The following AK5 variants were observed in gnomAD, a reference collection of about 807,000 sequenced individuals.
AK5 encodes the protein adenylate kinase 5.
In AK5, 27 loss-of-function variants were observed where a neutral mutation model predicts 69.5. The ratio of observed to expected loss-of-function variants is 0.39; its 90% CI spans 0.29 to 0.54. The LOEUF (loss-of-function observed/expected upper bound fraction) is 0.54, where lower values mean the gene tolerates loss of function less well. Ranked by LOEUF, AK5 falls within the 20% of genes least tolerant of loss-of-function variation. The pLI, the probability that AK5 is intolerant of heterozygous loss-of-function variation, is 0.71. For synonymous variants in AK5, 260 were observed against 244.4 expected (o/e 1.06, Z -0.60); for missense variants, 531 against 700.4 (o/e 0.76, Z 2.73).
intron 13 of AK5, among the ~76,000 whole-genome samples, chr1:77,553,405 G>A (rs930786063): frequency 6.6e-5 from 10 of 152,322 alleles, no homozygotes; most frequent in East Asian, 1.9e-4. Context: ...AGCAGAGGGC[G>A]TAACTGAGGC....
chr1:77,292,695 G>A (rs981492338), intron 2 of AK5, among the ~76,000 whole-genome samples: 6 of 152,184 alleles, frequency 3.9e-5, no homozygotes, highest in Admixed American at 1.3e-4. Flanking sequence ...TATGTCATTT[G>A]AATTTCTGAC....
chr1:77,303,894 A>G (rs996071640), intron 5 of AK5, among the ~76,000 whole-genome samples: 2 of 152,180 alleles, frequency 1.3e-5, no homozygotes, highest in African/African-American at 4.8e-5. Context: ...TAGTAGGTAT[A>G]TATATTTAAG....
intron 8 of AK5, among the ~76,000 whole-genome samples, chr1:77,426,663 G>A (rs1025849153): frequency 6.6e-6 from 1 of 152,120 alleles, no homozygotes; most frequent in African/African-American, 2.4e-5. Flanking sequence ...TCTATAGACT[G>A]CTTTATCCAA....
At chr1:77,443,677 C>CTGTGTGTGTGTGTGTGTG (rs71244408) in intron 8 of AK5, among the ~76,000 whole-genome samples, 2 of 134,042 alleles carry the variant, frequency 1.5e-5, no homozygotes, top group Non-Finnish European at 3.2e-5. Context: ...TGTGGGGAGT[C>CTGTGTGTGTGTGTGTGTG]TGTGTGTGTG....
At chr1:77,348,320 C>T (rs549397994) in intron 6 of AK5, among the ~76,000 whole-genome samples, 6 of 152,158 alleles carry the variant, frequency 3.9e-5, no homozygotes, top group Non-Finnish European at 8.8e-5. Context: ...TCTCATTGTT[C>T]AATTCCCACC....
At chr1:77,421,617 G>C (rs1328062047) in intron 8 of AK5, among the ~76,000 whole-genome samples, 1 of 152,184 alleles carries the variant, frequency 6.6e-6, no homozygotes, top group African/African-American at 2.4e-5. Flanking sequence ...ATGCAAGGAG[G>C]CTGAGAAATG....
chr1:77,475,167 G>GTAAATA, intron 8 of AK5, among the ~76,000 whole-genome samples: 1 of 89,948 alleles, frequency 1.1e-5, no homozygotes, highest in South Asian at 4.2e-4. Context: ...GTGTGTGCAT[G>GTAAATA]TATATATATA....
chr1:77,351,793 C>T (rs1482868524), intron 6 of AK5, among the ~76,000 whole-genome samples: 1 of 152,140 alleles, frequency 6.6e-6, no homozygotes, highest in Non-Finnish European at 1.5e-5. Context: ...GCTTTACAAC[C>T]TCTGATGTAG....
At chr1:77,426,593 GGTT>G (rs1651225359) in intron 8 of AK5, among the ~76,000 whole-genome samples, 1 of 152,116 alleles carries the variant, frequency 6.6e-6, no homozygotes, top group African/African-American at 2.4e-5. Context: ...AAATCAATAA[GGTT>G]GTAGTTGAAC....
chr1:77,362,877 C>G (rs938319506), intron 6 of AK5, among the ~76,000 whole-genome samples: 1 of 152,108 alleles, frequency 6.6e-6, no homozygotes, highest in Non-Finnish European at 1.5e-5. Flanking sequence ...TACCCTTTGA[C>G]CCAATAATTT....
At chr1:77,531,767 T>G (rs1658610570) in intron 12 of AK5, among the ~76,000 whole-genome samples, 2 of 144,054 alleles carry the variant, frequency 1.4e-5, no homozygotes, top group South Asian at 2.2e-4. Flanking sequence ...GCGCCCGCAC[T>G]CCTCAGGGTG....
At chr1:77,484,445 G>C (rs112039402) in intron 9 of AK5, among the ~76,000 whole-genome samples, 3 of 152,296 alleles carry the variant, frequency 2.0e-5, no homozygotes, top group African/African-American at 7.2e-5. Context: ...TGAGCACAAG[G>C]TGGTGGGTAA....
At chr1:77,551,430 T>G (rs983089972) in intron 13 of AK5, among the ~76,000 whole-genome samples, 2 of 152,144 alleles carry the variant, frequency 1.3e-5, no homozygotes, top group African/African-American at 4.8e-5. Context: ...ATCTTTGGGC[T>G]CCACAGGGGC....
intron 8 of AK5, among the ~76,000 whole-genome samples, chr1:77,476,147 G>C (rs1209531531): frequency 6.6e-6 from 1 of 151,964 alleles, no homozygotes; most frequent in Non-Finnish European, 1.5e-5. Flanking sequence ...TTTCAACTCT[G>C]TTTACTCAGT....
Position 77,417,688 on chromosome 1 carries a change from T to A in AK5, c.1032T>A (p.Ile344=), listed in dbSNP as rs1277043417. 6.2e-7 allele frequency: 1 copy of A among 1,606,590 alleles called. No homozygotes were observed. The highest frequency in any genetic ancestry group is 1.7e-5 in the Admixed American group (1 of 59,762). ...TGATATTGGACACTGGAGAGATCAT[T>A]GATACAGGATCTGATTATGAAGATC... ...PSMILDTGEI[I]DTGSDYEDQG... Residue 344 remains isoleucine, a synonymous_variant, in exon 8 of 14, where the codon ATT becomes ATA. Transcript: ENST00000354567.
intron 8 of AK5, among the ~76,000 whole-genome samples, chr1:77,443,677 CTGTGTGTGTGTGTGTGTGTGTGTG>C (rs71244408): frequency 1.5e-5 from 2 of 134,118 alleles, no homozygotes; most frequent in South Asian, 2.6e-4. Context: ...TGTGGGGAGT[CTGTGTGTGTGTGTGTGTGTGTGTG>C]TGTGTGTGTG....
rs1199151553 is a variant in AK5 at position 77,298,280 on chromosome 1, G to C, written c.699+333G>C. ...TAAGCCTTATTCAGTACTGTCCAGG[G>C]ATGCAAAACATTACCCTGTACTTAT... is the stretch of plus-strand genomic sequence containing the variant. On this transcript the variant is annotated intron_variant, in intron 5 of 13. Transcript: ENST00000354567. 5.3e-5 allele frequency among the ~76,000 whole-genome samples: 8 copies of C among 151,870 alleles called. No individual in the cohort carries two copies. The East Asian group carries it at 1.5e-3, about 29-fold the overall frequency.
At chr1:77,435,236 G>T (rs1380518816) in intron 8 of AK5, among the ~76,000 whole-genome samples, 6 of 152,162 alleles carry the variant, frequency 3.9e-5, no homozygotes, top group Admixed American at 2.0e-4. Flanking sequence ...AGCAAAAATT[G>T]TACTTCTGAG....
At chr1:77,312,934 G>A (rs1660044806) in intron 5 of AK5, among the ~76,000 whole-genome samples, 1 of 151,952 alleles carries the variant, frequency 6.6e-6, no homozygotes, top group African/African-American at 2.4e-5. Context: ...AAGAACCTAT[G>A]CAGACCTTCC....
Sources: gnomAD v4.1 joint callset for allele counts (sites outside exome capture counted in the v4.1 genomes callset) on GRCh38, gnomAD v4.1.1 for gene constraint, MANE v1.5 for transcripts, NCBI Gene and HGNC (gene_info 2026-07-23, HGNC 2026-07-21) for gene names.